THRB: variants seen among roughly 807,000 people sequenced by gnomAD.
The protein encoded by THRB is thyroid hormone receptor beta.
THRB carries 12 observed loss-of-function variants against 47.8 expected under a neutral mutation model. That is an observed-to-expected ratio of 0.25 (90% CI 0.16 to 0.41). The LOEUF is 0.41. THRB is among the 10% of genes least tolerant of loss of function. The probability of loss-of-function intolerance (pLI) is 1.00; values close to 1 mark genes in which losing one functional copy is unlikely to be tolerated. For missense variants in THRB, 348 were observed against 589.2 expected, an observed-to-expected ratio of 0.59 and a Z score of 4.24; for synonymous variants, 218 against 212.2, an observed-to-expected ratio of 1.03 and a Z score of -0.24.
At chr3:24,174,182 A>C (rs937908255) in intron 5 of THRB, among the ~76,000 whole-genome samples, 3 of 152,056 alleles carry the variant, frequency 2.0e-5, no homozygotes, top group African/African-American at 7.2e-5. Context: ...ATGTAGCCAC[A>C]TTTTTTTAAT....
chr3:24,276,170 T>C (rs2053897597), intron 3 of THRB, among the ~76,000 whole-genome samples: 1 of 152,240 alleles, frequency 6.6e-6, no homozygotes, highest in Middle Eastern at 3.2e-3. Context: ...TAAGTAGTAT[T>C]GTTTTTAGCA....
chr3:24,348,087 A>T (rs2063135483), intron 1 of THRB, among the ~76,000 whole-genome samples: 1 of 152,166 alleles, frequency 6.6e-6, no homozygotes, highest in Non-Finnish European at 1.5e-5. Flanking sequence ...AAAAGTAAAC[A>T]AAGTGTTAGC....
At chr3:24,214,986 A>T (rs826250) in intron 4 of THRB, among the ~76,000 whole-genome samples, 91,002 of 152,110 alleles carry the variant, frequency 0.6, 27,327 homozygotes, top group South Asian at 0.68. Flanking sequence ...GGAACAATGG[A>T]AACATTTGAA....
intron 4 of THRB, among the ~76,000 whole-genome samples, chr3:24,217,699 T>C (rs1266024552): frequency 1.3e-5 from 2 of 152,184 alleles, no homozygotes; most frequent in Non-Finnish European, 1.5e-5. Flanking sequence ...TATGACTTCC[T>C]ACATGATGTG....
intron 1 of THRB, among the ~76,000 whole-genome samples, chr3:24,434,275 T>C (rs886763212): frequency 6.6e-6 from 1 of 152,214 alleles, no homozygotes; most frequent in African/African-American, 2.4e-5. Flanking sequence ...AGATTTGCCT[T>C]GGAGCCTTCT....
chr3:24,475,566 C>G (rs887296437), intron 1 of THRB, among the ~76,000 whole-genome samples: 1 of 151,994 alleles, frequency 6.6e-6, no homozygotes, highest in Non-Finnish European at 1.5e-5. Context: ...GATATAAAAT[C>G]TGAAAGGCCA....
At chr3:24,400,059 A>T (rs1423781576) in intron 1 of THRB, among the ~76,000 whole-genome samples, 1 of 152,150 alleles carries the variant, frequency 6.6e-6, no homozygotes, top group East Asian at 1.9e-4. Flanking sequence ...GACGGCTTCA[A>T]ACACTGAAGC....
intron 2 of THRB, among the ~76,000 whole-genome samples, chr3:24,302,449 A>G (rs977315155): frequency 6.6e-6 from 1 of 152,150 alleles, no homozygotes; most frequent in Non-Finnish European, 1.5e-5. Flanking sequence ...TGAAAATTCC[A>G]TCTCCATTTG....
intron 1 of THRB, among the ~76,000 whole-genome samples, chr3:24,380,882 C>T (rs903883246): frequency 2.0e-5 from 3 of 152,100 alleles, no homozygotes; most frequent in South Asian, 2.1e-4. Context: ...TTTGGAAAGC[C>T]GAGGCAGGTG....
At chr3:24,186,401 A>C (rs1381037786) in intron 5 of THRB, among the ~76,000 whole-genome samples, 1 of 151,610 alleles carries the variant, frequency 6.6e-6, no homozygotes, top group Non-Finnish European at 1.5e-5. Context: ...AATTGTGATT[A>C]AAGTGCCAAG....
chr3:24,157,778 G>A (rs879303093), intron 5 of THRB, among the ~76,000 whole-genome samples: 3 of 152,100 alleles, frequency 2.0e-5, no homozygotes, highest in Non-Finnish European at 2.9e-5. Context: ...CCAGCCTCCC[G>A]TCTTGGCCTC....
At chr3:24,217,399 C>A (rs1332076340) in intron 4 of THRB, among the ~76,000 whole-genome samples, 5 of 152,040 alleles carry the variant, frequency 3.3e-5, no homozygotes, top group African/African-American at 4.8e-5. Context: ...TCATCCTGCT[C>A]ATTGAAAACA....
intron 3 of THRB, among the ~76,000 whole-genome samples, chr3:24,237,443 C>G (rs1264212065): frequency 1.3e-5 from 2 of 152,148 alleles, no homozygotes; most frequent in Admixed American, 1.3e-4. Context: ...TCCACCCACT[C>G]TCTCAACTCC....
At chr3:24,246,274 T>G (rs1275158069) in intron 3 of THRB, among the ~76,000 whole-genome samples, 1 of 152,164 alleles carries the variant, frequency 6.6e-6, no homozygotes, top group Non-Finnish European at 1.5e-5. Flanking sequence ...GTCCTGGTCA[T>G]TTTGTTACAC....
intron 5 of THRB, among the ~76,000 whole-genome samples, chr3:24,174,817 T>C (rs2040922684): frequency 1.3e-5 from 2 of 152,164 alleles, no homozygotes; most frequent in African/African-American, 4.8e-5. Context: ...GACATGACTG[T>C]TCCTGTTTTA....
chr3:24,284,135 C>T (rs1354066729), intron 3 of THRB, among the ~76,000 whole-genome samples: 1 of 147,960 alleles, frequency 6.8e-6, no homozygotes, highest in East Asian at 2.0e-4. Flanking sequence ...CAATCCTGAG[C>T]CAAAAGAACA....
At chr3:24,195,154 G>A (rs188877323) in intron 4 of THRB, among the ~76,000 whole-genome samples, 9 of 152,196 alleles carry the variant, frequency 5.9e-5, no homozygotes, top group Middle Eastern at 3.4e-3. Context: ...GACTATGTAC[G>A]CCTCAACTGA....
At chr3:24,492,864 C>T (rs1247973045) in intron 1 of THRB, among the ~76,000 whole-genome samples, 1 of 152,140 alleles carries the variant, frequency 6.6e-6, no homozygotes, top group Non-Finnish European at 1.5e-5. Flanking sequence ...GGAATTATTT[C>T]ACTTTAAAAA....
chr3:24,397,907 A>G (rs779540876), intron 1 of THRB, among the ~76,000 whole-genome samples: 6 of 152,106 alleles, frequency 3.9e-5, no homozygotes, highest in Admixed American at 6.6e-5. Flanking sequence ...AGCCCACATA[A>G]CACATAGAGA....
Sources: gnomAD v4.1 joint callset for allele counts (sites outside exome capture counted in the v4.1 genomes callset) on GRCh38, gnomAD v4.1.1 for gene constraint, MANE v1.5 for transcripts, NCBI Gene and HGNC (gene_info 2026-07-23, HGNC 2026-07-21) for gene names.